The following MCTP1 variants were observed in gnomAD, a reference collection of about 807,000 sequenced individuals.
MCTP1 encodes the protein multiple C2 and transmembrane domain containing 1.
Under a neutral mutation model 120.6 loss-of-function variants are expected in MCTP1, and 69 were observed. The ratio of observed to expected loss-of-function variants is 0.57; its 90% CI spans 0.47 to 0.70. MCTP1 has a LOEUF of 0.70. MCTP1 is among the 30% of genes least tolerant of loss of function. The pLI is 0.00. For synonymous variants in MCTP1, 529 were observed against 493.1 expected (o/e 1.07, Z -0.96); for missense variants, 1,203 against 1,248.8 (o/e 0.96, Z 0.55).
intron 7 of MCTP1, among the ~76,000 whole-genome samples, chr5:94,919,183 T>C (rs1412769963): frequency 6.6e-6 from 1 of 152,206 alleles, no homozygotes; most frequent in Admixed American, 6.5e-5. Context: ...TAGCATATGT[T>C]ATTCACTTTA....
chr5:94,960,954 T>C (rs1275111919), intron 2 of MCTP1, among the ~76,000 whole-genome samples: 2 of 152,146 alleles, frequency 1.3e-5, no homozygotes, highest in African/African-American at 4.8e-5. Context: ...ATCATTCTAC[T>C]ATAAAGACAC....
At chr5:94,731,872 T>C (rs1317816115) in intron 19 of MCTP1, among the ~76,000 whole-genome samples, 2 of 152,256 alleles carry the variant, frequency 1.3e-5, no homozygotes, top group Non-Finnish European at 2.9e-5. Context: ...TTTTACATTC[T>C]TGTTTTTCTA....
chr5:95,124,655 CAG>C (rs1758490910), intron 1 of MCTP1, among the ~76,000 whole-genome samples: 2 of 152,142 alleles, frequency 1.3e-5, no homozygotes, highest in Non-Finnish European at 2.9e-5. Flanking sequence ...AGTCCTATCC[CAG>C]CCTTTACAGG....
At chr5:95,245,058 C>T (rs1257735684) in intron 1 of MCTP1, among the ~76,000 whole-genome samples, 1 of 152,120 alleles carries the variant, frequency 6.6e-6, no homozygotes, top group Admixed American at 6.5e-5. Flanking sequence ...GGACCTCCAG[C>T]AAACTCCAAT....
chr5:95,054,224 C>T (rs72779405), intron 1 of MCTP1, among the ~76,000 whole-genome samples: 12,390 of 152,192 alleles, frequency 0.081, 583 homozygotes, highest in African/African-American at 0.12. Flanking sequence ...CAAGATTACC[C>T]GGTTACTGTA....
chr5:94,840,709 T>A (rs906923009), intron 17 of MCTP1, among the ~76,000 whole-genome samples: 1 of 152,248 alleles, frequency 6.6e-6, no homozygotes, highest in Non-Finnish European at 1.5e-5. Context: ...TAGTTTTCAC[T>A]CCTAAAATGG....
At chr5:94,953,862 TATATATACAAATATATATGC>T (rs1204088315) in intron 2 of MCTP1, among the ~76,000 whole-genome samples, 7 of 113,978 alleles carry the variant, frequency 6.1e-5, no homozygotes, top group Admixed American at 2.0e-4. Flanking sequence ...TATATATGCA[TATATATACAAATATATATGC>T]ATATATATAC....
chr5:95,182,135 CAAAG>C (rs2152516385), intron 1 of MCTP1, among the ~76,000 whole-genome samples: 1 of 152,126 alleles, frequency 6.6e-6, no homozygotes, highest in Non-Finnish European at 1.5e-5. Flanking sequence ...GCTCTATAAC[CAAAG>C]GAACTCAGTG....
intron 1 of MCTP1, among the ~76,000 whole-genome samples, chr5:95,176,065 T>C (rs1747937554): frequency 6.6e-6 from 1 of 152,188 alleles, no homozygotes; most frequent in African/African-American, 2.4e-5. Flanking sequence ...ATACTGGTGA[T>C]TCCTATTTAT....
intron 5 of MCTP1, among the ~76,000 whole-genome samples, chr5:94,932,839 C>T (rs879386924): frequency 6.1e-4 from 93 of 151,976 alleles, no homozygotes; most frequent in Middle Eastern, 6.8e-3. Context: ...AGTGCTTGTG[C>T]CATATTTGTG....
At chr5:94,953,160 C>T in intron 3 of MCTP1, 59 bp downstream of exon 3, 1 of 1,485,286 alleles carries the variant, frequency 6.7e-7, no homozygotes. Flanking sequence ...ATGATAAAAC[C>T]CAGTAAACAG....
chr5:95,118,713 A>C (rs1025400551), intron 1 of MCTP1, among the ~76,000 whole-genome samples: 18 of 152,334 alleles, frequency 1.2e-4, no homozygotes, highest in Middle Eastern at 3.4e-3. Context: ...TGGAAACAAA[A>C]AAGAGCAAAA....
In MCTP1 at chr5:95,267,070, G is replaced by A. The variant is rs1392332896; in HGVS notation, c.720+16786C>T. 3.9e-5 allele frequency among the ~76,000 whole-genome samples: 6 copies of A among 152,080 alleles called. No homozygotes were observed. The East Asian group carries it at 1.2e-3, about 29-fold the overall frequency. On this transcript the variant is annotated intron_variant, in intron 1 of 22. Coordinates refer to ENST00000515393, the MANE Select transcript of MCTP1 (RefSeq NM_024717.7). The stretch of plus-strand genomic sequence containing the variant: ...TAAATATGAATATTGGCTATACATG[G>A]AAATATAAAATTTAGATTTTATGTC...
intron 1 of MCTP1, among the ~76,000 whole-genome samples, chr5:95,054,707 G>C (rs1053267345): frequency 6.6e-6 from 1 of 152,194 alleles, no homozygotes; most frequent in Non-Finnish European, 1.5e-5. Context: ...AAAAAATAAA[G>C]AGAAGTTATA....
chr5:95,072,026 A>G (rs1752284904), intron 1 of MCTP1, among the ~76,000 whole-genome samples: 1 of 151,866 alleles, frequency 6.6e-6, no homozygotes, highest in African/African-American at 2.4e-5. Context: ...TGTGATGTAC[A>G]GGTTTCTTAA....
intron 17 of MCTP1, among the ~76,000 whole-genome samples, chr5:94,805,620 C>T (rs927298777): frequency 3.3e-5 from 5 of 151,892 alleles, no homozygotes; most frequent in Non-Finnish European, 5.9e-5. Context: ...AGAGCAAGAC[C>T]CTGTCTCAAA....
intron 1 of MCTP1, among the ~76,000 whole-genome samples, chr5:95,212,461 T>A (rs946930762): frequency 6.6e-6 from 1 of 152,050 alleles, no homozygotes; most frequent in African/African-American, 2.4e-5. Context: ...CCATTCCTTC[T>A]GAAACTATTC....
intron 2 of MCTP1, among the ~76,000 whole-genome samples, chr5:94,981,226 A>G (rs966422828): frequency 6.6e-6 from 1 of 152,156 alleles, no homozygotes; most frequent in Non-Finnish European, 1.5e-5. Context: ...TTCCACTGGT[A>G]AGTTTAATAA....
At chr5:95,130,994 G>A (rs1027242222) in intron 1 of MCTP1, among the ~76,000 whole-genome samples, 1 of 152,082 alleles carries the variant, frequency 6.6e-6, no homozygotes, top group African/African-American at 2.4e-5. Context: ...GTTTTGTTTT[G>A]TTTTAACAAA....
Sources: gnomAD v4.1 joint callset for allele counts (sites outside exome capture counted in the v4.1 genomes callset) on GRCh38, gnomAD v4.1.1 for gene constraint, MANE v1.5 for transcripts, NCBI Gene and HGNC (gene_info 2026-07-23, HGNC 2026-07-21) for gene names.